The following NF1 variants were observed in gnomAD, a reference collection of about 807,000 sequenced individuals.
NF1 encodes the protein neurofibromin 1.
Under a neutral mutation model 325.7 loss-of-function variants are expected in NF1, and 122 were observed. The observed-to-expected ratio is 0.37, with a 90% CI of 0.32 to 0.44. The LOEUF is 0.44. Among genes scored for constraint, NF1 ranks in the 20% least tolerant of loss-of-function variants. The pLI, the probability that NF1 is intolerant of heterozygous loss-of-function variation, is 1.00. For synonymous variants in NF1, 1,091 were observed against 1,186.0 expected (o/e 0.92, Z 1.65); for missense variants, 2,140 against 3,415.4 (o/e 0.63, Z 9.31).
At chr17:31,337,979 A>G (rs745876733) in intron 44 of NF1, 46 bp from the exon 45 acceptor site, 3 of 1,562,740 alleles carry the variant, frequency 1.9e-6, no homozygotes, top group African/African-American at 2.7e-5. Context: ...TTTAGTATAT[A>G]TAAACACAAA....
chr17:31,123,096 A>G (rs1218071143), intron 1 of NF1, among the ~76,000 whole-genome samples: 1 of 152,204 alleles, frequency 6.6e-6, no homozygotes, highest in Non-Finnish European at 1.5e-5. Context: ...TTTGCCATTC[A>G]AAAACTGTTT....
chr17:31,343,484 A>C (rs949179911), intron 48 of NF1, among the ~76,000 whole-genome samples: 2 of 152,172 alleles, frequency 1.3e-5, no homozygotes, highest in African/African-American at 4.8e-5. Flanking sequence ...AGTCGAGGCT[A>C]CAGTGAGCCG....
chr17:31,189,832 G>A (rs761794291), intron 8 of NF1, among the ~76,000 whole-genome samples: 28 of 140,342 alleles, frequency 2.0e-4, no homozygotes, highest in Non-Finnish European at 3.9e-4. Context: ...CACAATCTCC[G>A]CTTAGTGCAA....
In NF1 at chr17:31,315,853, GT is replaced by G. The variant is rs896713576; in HGVS notation, c.4836-9958del. Among the ~76,000 whole-genome samples, 15 of 151,276 alleles carry G rather than the reference GT, an allele frequency of 9.9e-5. No individual in the cohort carries two copies. The South Asian group carries it at 2.9e-3, about 30-fold the overall frequency. On this transcript the variant is annotated intron_variant, in intron 36 of 57. Coordinates refer to ENST00000358273, the MANE Select transcript of NF1 (RefSeq NM_001042492.3). Reference sequence around the variant, plus strand: ...CTTATAGCTTGGTGCAAAAAGAATAGTTTTTTTTTATGGGCTCCTACTATAA... The same window carrying G: ...CTTATAGCTTGGTGCAAAAAGAATAGTTTTTTTTATGGGCTCCTACTATAA...
chr17:31,133,401 C>T (rs1472942906), intron 1 of NF1: 1 of 152,134 alleles, frequency 6.6e-6, no homozygotes, highest in Non-Finnish European at 1.5e-5. Context: ...ATTTGGGTTA[C>T]TTTCACCTTT....
chr17:31,278,308 T>G (rs964579117), intron 36 of NF1: 1 of 151,870 alleles, frequency 6.6e-6, no homozygotes, highest in Non-Finnish European at 1.5e-5. Context: ...TATAGCACTT[T>G]CTTGAGAATT....
rs572178361 is a variant in NF1 at position 31,340,438 on chromosome 17, C to T, written c.6922-67C>T. The stretch of plus-strand genomic sequence containing the variant: ...AGATAAGCTGCTTTATTTTTAACTG[C>T]AGTGTGTTTTGAAAGAGACTATGTC... On this transcript the variant is annotated intron_variant, in intron 46 of 57. Coordinates refer to ENST00000358273, the MANE Select transcript of NF1 (RefSeq NM_001042492.3). 12 of 1,593,946 alleles carry T rather than the reference C, an allele frequency of 7.5e-6. No individual in the cohort carries two copies. The African/African-American group carries it at 1.2e-4, about 16-fold the overall frequency.
chr17:31,368,289 A>G (rs2070569912), intron 57 of NF1, among the ~76,000 whole-genome samples: 1 of 152,054 alleles, frequency 6.6e-6, no homozygotes, highest in Non-Finnish European at 1.5e-5. Context: ...GGCATGTTCC[A>G]CCAAGCCTGG....
chr17:31,166,107 A>C lies in NF1; in HGVS notation c.479+2731A>C, dbSNP rs148566344. On this transcript the variant is annotated intron_variant, in intron 4 of 57. Transcript: ENST00000358273. ...CTCCACAGAATTACTCCACAAATGC[A>C]GTTGATCTAGTTGTTTTGTAGTGAG... is the stretch of plus-strand genomic sequence containing the variant. Among the ~76,000 whole-genome samples, 539 of 152,210 alleles carry C rather than the reference A, an allele frequency of 3.5e-3. 4 individuals carry two copies. The highest frequency in any genetic ancestry group is 0.012 in the African/African-American group (504 of 41,538).
chr17:31,155,746 G>T (rs1380118181), intron 1 of NF1, among the ~76,000 whole-genome samples: 1 of 152,136 alleles, frequency 6.6e-6, no homozygotes, highest in East Asian at 1.9e-4. Flanking sequence ...AGTTTCCAAA[G>T]AATTTAAGAT....
Position 31,376,324 on chromosome 17 carries a change from TACTGTTA to T in NF1, c.*2171_*2177del, listed in dbSNP as rs1185288893. ...CAAAATAAAGAAACTTCCAGAGGTTTACTGTTAAAAATACTGATATTTCCATAAACGG... is the reference window on the plus strand; with the variant it reads ...CAAAATAAAGAAACTTCCAGAGGTTTAAAATACTGATATTTCCATAAACGG... On this transcript the variant is annotated 3_prime_UTR_variant, in exon 58 of 58. Coordinates refer to ENST00000358273, the MANE Select transcript of NF1 (RefSeq NM_001042492.3). The T allele has an allele frequency of 1.3e-5, 3 of 232,972 alleles. No homozygotes were observed. The highest frequency in any genetic ancestry group is 1.7e-5 in the Non-Finnish European group (2 of 117,918). The allele number at this position is 232,972 out of a possible 1,614,324, so 14.4% of individuals were successfully genotyped here. A position where few individuals can be genotyped will look rare whatever the true frequency, so the allele number is the denominator to read the frequency against.
intron 36 of NF1, among the ~76,000 whole-genome samples, 159 bp from the exon 37 acceptor site, chr17:31,325,661 C>CA (rs1439798668): frequency 6.6e-6 from 1 of 151,910 alleles, no homozygotes; most frequent in Non-Finnish European, 1.5e-5. Context: ...TCTCAGTGTC[C>CA]AAAAAACAAC....
chr17:31,125,360 G>C (rs180780454), intron 1 of NF1, among the ~76,000 whole-genome samples: 148 of 151,772 alleles, frequency 9.8e-4, no homozygotes, highest in African/African-American at 3.4e-3. Flanking sequence ...CATTTGGATT[G>C]TTTCTAGTTT....
chr17:31,371,177 G>A (rs1039395867), intron 57 of NF1, among the ~76,000 whole-genome samples: 6 of 152,046 alleles, frequency 3.9e-5, no homozygotes, highest in Admixed American at 3.3e-4. Context: ...ATTTTTCAAT[G>A]TATTGAAAAA....
intron 36 of NF1, among the ~76,000 whole-genome samples, chr17:31,282,210 G>A (rs7211842): frequency 0.43 from 65,420 of 151,426 alleles, 16,461 homozygotes; most frequent in African/African-American, 0.7. Context: ...GTGAAACCCC[G>A]TCTCTACTAA....
intron 8 of NF1, among the ~76,000 whole-genome samples, chr17:31,188,319 T>C (rs765595311): frequency 6.6e-6 from 1 of 152,248 alleles, no homozygotes; most frequent in African/African-American, 2.4e-5. Flanking sequence ...TGTTTGTGCA[T>C]GTATACACCT....
intron 56 of NF1, 161 bp from the exon 57 acceptor site, chr17:31,360,326 T>C (rs1308404014): frequency 3.0e-6 from 2 of 665,130 alleles, no homozygotes. Context: ...GTAAGTCCTA[T>C]GGTAGTCTAT....
rs1426490458 is a variant in NF1 at position 31,229,476 on chromosome 17, C to A, written c.2850+11C>A. ...GACTCCCAAGGACAGGTAAAGTGTT[C>A]TCTTATTTTTCACCTTTCTCTATGA... On this transcript the variant is annotated intron_variant, in intron 21 of 57. Transcript: ENST00000358273. 3 of 1,611,874 alleles carry A rather than the reference C, an allele frequency of 1.9e-6. No homozygotes were observed. The Admixed American group carries it at 5.0e-5, about 27-fold the overall frequency.
intron 53 of NF1, 57 bp downstream of exon 53, chr17:31,357,147 T>C: frequency 6.2e-7 from 1 of 1,608,694 alleles, no homozygotes; most frequent in Non-Finnish European, 8.5e-7. Context: ...CAGTCTACTT[T>C]TAGGAGGCCC....
Sources: allele counts gnomAD v4.1 joint callset (sites outside exome capture counted in the v4.1 genomes callset), GRCh38; gene constraint gnomAD v4.1.1; transcripts MANE v1.5; gene names NCBI Gene and HGNC (gene_info 2026-07-23, HGNC 2026-07-21).